Variants in ARHGAP25 observed in about 807,000 individuals in gnomAD.
The protein encoded by ARHGAP25 is rho GTPase-activating protein 25.
A neutral mutation model predicts 71.0 loss-of-function variants in ARHGAP25; 34 were observed. The observed-to-expected ratio is 0.48, with a 90% CI of 0.36 to 0.64. The LOEUF is 0.64. Ranked by LOEUF, ARHGAP25 falls within the 30% of genes least tolerant of loss-of-function variation. The pLI is 0.00. For missense variants in ARHGAP25, 706 were observed against 805.1 expected, an observed-to-expected ratio of 0.88 and a Z score of 1.49; for synonymous variants, 282 against 296.5, an observed-to-expected ratio of 0.95 and a Z score of 0.50.
At chr2:68,760,342 A>G (rs1192784963) in intron 1 of ARHGAP25, among the ~76,000 whole-genome samples, 1 of 152,026 alleles carries the variant, frequency 6.6e-6, no homozygotes, top group African/African-American at 2.4e-5. Flanking sequence ...AGACAGAGGA[A>G]CTAGGTGAGG....
intron 2 of ARHGAP25, among the ~76,000 whole-genome samples, chr2:68,719,973 G>A (rs913461316): frequency 3.3e-5 from 5 of 152,086 alleles, no homozygotes; most frequent in East Asian, 1.9e-4. Context: ...GACCTGTCGC[G>A]TTCACTGATC....
intron 1 of ARHGAP25, among the ~76,000 whole-genome samples, chr2:68,774,469 C>T (rs1203869737): frequency 6.6e-6 from 1 of 152,222 alleles, no homozygotes; most frequent in Non-Finnish European, 1.5e-5. Context: ...TCAAATCCTG[C>T]TTCTGAGTTC....
At chr2:68,723,477 T>G (rs1334558868) in intron 2 of ARHGAP25, among the ~76,000 whole-genome samples, 1 of 152,328 alleles carries the variant, frequency 6.6e-6, no homozygotes, top group African/African-American at 2.4e-5. Context: ...GTTTCATGAC[T>G]GTGCTGAGTC....
At position 68,782,934 on chromosome 2, in the gene ARHGAP25, C is replaced by T. The variant is rs1678447935; in HGVS notation, c.349+614C>T. On this transcript the variant is annotated intron_variant, in intron 3 of 10. Coordinates refer to ENST00000409202, the MANE Select transcript of ARHGAP25 (RefSeq NM_001007231.3). Reference sequence around the variant, plus strand: ...CTACTCTTCTCCCTGTCTCTTGCTCCTCTGCTAGCCCTAGCCCTGCCAGGG... The same window carrying T: ...CTACTCTTCTCCCTGTCTCTTGCTCTTCTGCTAGCCCTAGCCCTGCCAGGG... 2.0e-5 allele frequency among the ~76,000 whole-genome samples: 3 copies of T among 152,244 alleles called. No homozygotes were observed. The South Asian group carries it at 6.2e-4, about 31-fold the overall frequency.
intron 4 of ARHGAP25, among the ~76,000 whole-genome samples, chr2:68,801,215 C>T (rs1270073864): frequency 3.3e-5 from 5 of 152,130 alleles, no homozygotes; most frequent in Non-Finnish European, 7.4e-5. Flanking sequence ...ATAGCTTTGA[C>T]GGATTTCTAG....
intron 2 of ARHGAP25, among the ~76,000 whole-genome samples, chr2:68,726,428 G>A (rs1674885302): frequency 2.0e-5 from 3 of 152,212 alleles, no homozygotes; most frequent in Admixed American, 6.5e-5. Flanking sequence ...TGCTCAGTGT[G>A]CTCCTTCCTG....
intron 4 of ARHGAP25, among the ~76,000 whole-genome samples, chr2:68,791,321 C>A (rs1017332678): frequency 6.6e-6 from 1 of 152,174 alleles, no homozygotes; most frequent in Admixed American, 6.5e-5. Context: ...ATCCTAGAAT[C>A]TAAACAGTGC....
intron 4 of ARHGAP25, among the ~76,000 whole-genome samples, chr2:68,792,161 T>C (rs1330729006): frequency 6.6e-6 from 1 of 152,204 alleles, no homozygotes; most frequent in East Asian, 1.9e-4. Flanking sequence ...ATCTGAAGTT[T>C]TGCTCAGGCT....
At chr2:68,741,658 A>C (rs1437795367) in intron 1 of ARHGAP25, among the ~76,000 whole-genome samples, 2 of 152,188 alleles carry the variant, frequency 1.3e-5, no homozygotes, top group African/African-American at 4.8e-5. Flanking sequence ...CTCCTGCCTC[A>C]GTCTCCCAAA....
At chr2:68,713,153 C>G (rs1464616461) in intron 2 of ARHGAP25, among the ~76,000 whole-genome samples, 1 of 152,148 alleles carries the variant, frequency 6.6e-6, no homozygotes, top group African/African-American at 2.4e-5. Context: ...ACAGAATGTT[C>G]TTCCATTTGT....
chr2:68,732,167 A>T (rs550468164), upstream of ARHGAP25, among the ~76,000 whole-genome samples: 1 of 152,232 alleles, frequency 6.6e-6, no homozygotes, highest in South Asian at 2.1e-4. Context: ...TGACCGAGAG[A>T]GAGCTCTGTG....
At chr2:68,786,814 C>T (rs1678789548) in intron 3 of ARHGAP25, among the ~76,000 whole-genome samples, 1 of 152,248 alleles carries the variant, frequency 6.6e-6, no homozygotes, top group African/African-American at 2.4e-5. Context: ...CTAGAACAAG[C>T]TCTCTGAGGG....
At chr2:68,751,823 G>A (rs1558613990) in intron 1 of ARHGAP25, among the ~76,000 whole-genome samples, 1 of 152,308 alleles carries the variant, frequency 6.6e-6, no homozygotes, top group East Asian at 1.9e-4. Context: ...CAGCTAACCG[G>A]GAAAATCCTA....
chr2:68,746,193 C>T (rs1675802032), intron 1 of ARHGAP25, among the ~76,000 whole-genome samples: 1 of 152,184 alleles, frequency 6.6e-6, no homozygotes, highest in African/African-American at 2.4e-5. Context: ...CTTAACACTT[C>T]CTTCTGCCGT....
rs1678411152 is a variant in ARHGAP25, at chr2:68,782,455, T to A, written c.349+135T>A. The A allele has an allele frequency of 5.6e-6, 4 of 708,782 alleles. No homozygotes were observed. In the East Asian group the frequency reaches 1.0e-4, roughly 18 times the overall value. The allele number at this position is 708,782 out of a possible 1,614,324, so 43.9% of individuals were successfully genotyped here. On this transcript the variant is annotated intron_variant, in intron 3 of 10. Coordinates refer to ENST00000409202, the MANE Select transcript of ARHGAP25 (RefSeq NM_001007231.3). ...CAACCAGCCTATTGAGAGCCCACAA[T>A]GGTTCTTTATACAGTTAATGAAGCT...
At chr2:68,763,471 T>C (rs1369018514) in intron 1 of ARHGAP25, among the ~76,000 whole-genome samples, 2 of 152,172 alleles carry the variant, frequency 1.3e-5, no homozygotes, top group South Asian at 4.1e-4. Flanking sequence ...AATTCTTCCC[T>C]CCCCTTTTTT....
chr2:68,761,862 A>G (rs1676843676), intron 1 of ARHGAP25, among the ~76,000 whole-genome samples: 1 of 152,206 alleles, frequency 6.6e-6, no homozygotes, highest in African/African-American at 2.4e-5. Flanking sequence ...TTACTATCTG[A>G]TCCCACAATT....
At chr2:68,717,231 A>G (rs1430548039) in intron 2 of ARHGAP25, among the ~76,000 whole-genome samples, 3 of 152,364 alleles carry the variant, frequency 2.0e-5, no homozygotes, top group Non-Finnish European at 4.4e-5. Flanking sequence ...ACAGTAAAAT[A>G]CAATATTATT....
chr2:68,780,339 C>G (rs1027392633), intron 2 of ARHGAP25, among the ~76,000 whole-genome samples: 4 of 152,164 alleles, frequency 2.6e-5, no homozygotes, highest in Non-Finnish European at 5.9e-5. Flanking sequence ...TGTGTTTGCC[C>G]TTTCCTTCTC....
Sources: allele counts gnomAD v4.1 joint callset (sites outside exome capture counted in the v4.1 genomes callset), GRCh38; gene constraint gnomAD v4.1.1; transcripts MANE v1.5; gene names NCBI Gene and HGNC (gene_info 2026-07-23, HGNC 2026-07-21).